PLCE1: variants seen among roughly 807,000 people sequenced by gnomAD.
PLCE1 encodes the protein 1-phosphatidylinositol 4,5-bisphosphate phosphodiesterase epsilon-1.
PLCE1 carries 119 observed loss-of-function variants against 242.8 expected under a neutral mutation model. The ratio of observed to expected loss-of-function variants is 0.49; its 90% CI spans 0.42 to 0.57. The LOEUF (loss-of-function observed/expected upper bound fraction) is 0.57. PLCE1 is among the 20% of genes least tolerant of loss of function. The probability of loss-of-function intolerance (pLI) is 0.00; values close to 1 mark genes in which losing one functional copy is unlikely to be tolerated. For synonymous variants in PLCE1, 945 were observed against 1,017.4 expected, an observed-to-expected ratio of 0.93 and a Z score of 1.35; for missense variants, 2,441 against 2,788.8, an observed-to-expected ratio of 0.88 and a Z score of 2.81.
At chr10:94,288,013 A>C (rs1191879245) in intron 22 of PLCE1, among the ~76,000 whole-genome samples, 1 of 152,058 alleles carries the variant, frequency 6.6e-6, no homozygotes, top group Non-Finnish European at 1.5e-5. Flanking sequence ...TTATAGGCAT[A>C]TGTTTGGGTA....
At chr10:94,072,425 C>T (rs751200405) in intron 2 of PLCE1, among the ~76,000 whole-genome samples, 4 of 152,006 alleles carry the variant, frequency 2.6e-5, no homozygotes, top group Non-Finnish European at 5.9e-5. Context: ...TACAGGCACC[C>T]GCCACCATGC....
Position 94,227,488 on chromosome 10 carries a change from T to C in PLCE1, c.1955+37T>C, listed in dbSNP as rs930962953. ...GGGGAATATGGTTATCTTGGCACAATCGCTTCTCATCACCTGAATGGCACT... is the reference window on the plus strand; with the variant it reads ...GGGGAATATGGTTATCTTGGCACAACCGCTTCTCATCACCTGAATGGCACT... On this transcript the variant is annotated intron_variant, in intron 5 of 32. Transcript: ENST00000371380. The C allele has an allele frequency of 3.8e-6, 6 of 1,584,866 alleles. No homozygotes were observed. In the Admixed American group the frequency reaches 1.0e-4, roughly 26 times the overall value.
intron 2 of PLCE1, among the ~76,000 whole-genome samples, chr10:94,097,697 G>C (rs2045365447): frequency 6.6e-6 from 1 of 152,224 alleles, no homozygotes; most frequent in Non-Finnish European, 1.5e-5. Flanking sequence ...ATTAAGCTTG[G>C]TGGTCTAGTA....
At chr10:93,997,049 A>G (rs2060837923) in intron 1 of PLCE1, among the ~76,000 whole-genome samples, 1 of 152,222 alleles carries the variant, frequency 6.6e-6, no homozygotes, top group African/African-American at 2.4e-5. Flanking sequence ...TGGTAACACT[A>G]TGGTGCTTAC....
chr10:94,092,110 C>A (rs137994844), intron 2 of PLCE1, among the ~76,000 whole-genome samples: 2 of 152,124 alleles, frequency 1.3e-5, no homozygotes, highest in South Asian at 2.1e-4. Flanking sequence ...GTATACCTGA[C>A]GAGAATTTTA....
chr10:94,189,778 A>G (rs2048601843), intron 4 of PLCE1, among the ~76,000 whole-genome samples: 1 of 152,200 alleles, frequency 6.6e-6, no homozygotes, highest in African/African-American at 2.4e-5. Flanking sequence ...CAGGCTTTCC[A>G]AGCGTGGCTT....
rs550144229 is a variant in PLCE1, at chr10:94,027,786, A to C, written c.-364-2897A>C. 3.9e-5 allele frequency among the ~76,000 whole-genome samples: 6 copies of C among 152,184 alleles called. No homozygotes were observed. In the South Asian group the frequency reaches 1.2e-3, roughly 32 times the overall value. On this transcript the variant is annotated intron_variant, in intron 1 of 32. Coordinates refer to ENST00000371380, the MANE Select transcript of PLCE1 (RefSeq NM_016341.4). ...TAGTGAGCCAAGATCATGCCACTGC[A>C]CTCCAGCCTGGCGACAGAGTGAGAC...
chr10:94,007,573 CTCTT>C (rs1196924862), intron 1 of PLCE1, among the ~76,000 whole-genome samples: 2 of 124,400 alleles, frequency 1.6e-5, no homozygotes, highest in African/African-American at 6.8e-5. Flanking sequence ...CATTCTCTCT[CTCTT>C]TTTTTTTTTT....
At chr10:94,043,046 C>T (rs1287477291) in intron 2 of PLCE1, among the ~76,000 whole-genome samples, 4 of 152,178 alleles carry the variant, frequency 2.6e-5, no homozygotes, top group Non-Finnish European at 5.9e-5. Flanking sequence ...ATGAAGTTTT[C>T]ACCTACTTCA....
At chr10:94,061,839 A>G (rs1057054491) in intron 2 of PLCE1, among the ~76,000 whole-genome samples, 3 of 152,242 alleles carry the variant, frequency 2.0e-5, no homozygotes, top group African/African-American at 4.8e-5. Flanking sequence ...TTGCTGTTAC[A>G]TGCCTCTTAT....
intron 2 of PLCE1, chr10:94,107,722 G>A (rs533525327): frequency 1.3e-5 from 2 of 152,198 alleles, no homozygotes; most frequent in African/African-American, 4.8e-5. Context: ...TTGAGGTCAA[G>A]GAGTCTAACC....
chr10:94,135,264 A>T (rs2046733652), intron 3 of PLCE1, among the ~76,000 whole-genome samples: 1 of 152,286 alleles, frequency 6.6e-6, no homozygotes, highest in South Asian at 2.1e-4. Context: ...TTGTCAACTT[A>T]AAAAAATTAA....
intron 19 of PLCE1, among the ~76,000 whole-genome samples, chr10:94,275,205 G>A (rs993543999): frequency 2.6e-5 from 4 of 151,926 alleles, no homozygotes; most frequent in South Asian, 4.2e-4. Context: ...CCTTCTCATT[G>A]GCCCTCCCTC....
intron 2 of PLCE1, among the ~76,000 whole-genome samples, chr10:94,067,008 T>C (rs977944440): frequency 3.3e-5 from 5 of 152,196 alleles, no homozygotes; most frequent in Non-Finnish European, 7.3e-5. Context: ...TCCTTCAACT[T>C]CCTTTTTACA....
rs71031568 is a variant in PLCE1, at chr10:94,297,590, T to TAAAAAAAAAAA, written c.5168-762_5168-752dup. ...AGGCCTGCCCCAAACTTTAAATTTG[T>TAAAAAAAAAAA]AAAAAAAAAAAAAAAAAAAAAAAAA... is the stretch of plus-strand genomic sequence containing the variant. On this transcript the variant is annotated intron_variant, in intron 23 of 32. Transcript: ENST00000371380. Among the ~76,000 whole-genome samples, 27 of 56,580 alleles carry TAAAAAAAAAAA rather than the reference T, an allele frequency of 4.8e-4. 1 individual carries two copies. The highest frequency in any genetic ancestry group is 2.8e-3 in the East Asian group (5 of 1,794). 37.1% of individuals were successfully genotyped at this position (56,580 alleles called of 152,430 possible).
chr10:94,308,696 T>G lies in PLCE1; in HGVS notation c.6000T>G (p.Ser2000=). The G allele has an allele frequency of 2.5e-6, 4 of 1,575,742 alleles. No homozygotes were observed. The highest frequency in any genetic ancestry group is 1.1e-5 in the South Asian group (1 of 90,242). The change falls in exon 27 of 33, where the codon TCT becomes TCG. Residue 2000 remains serine (S), a synonymous_variant. Transcript: ENST00000371380. ...ENSSGNTMSA[S]SMFNTEERKC... is the part of the protein sequence containing the mutation. ...CCTCTGGCAATACCATGTCAGCCTC[T>G]TCGGTAATGAAGTTCTGTTTCACTC...
chr10:94,080,720 A>C (rs2044631516), intron 2 of PLCE1, among the ~76,000 whole-genome samples: 1 of 152,170 alleles, frequency 6.6e-6, no homozygotes, highest in Non-Finnish European at 1.5e-5. Flanking sequence ...AGAGTTATCC[A>C]GGCACTTCTG....
chr10:94,326,340 G>T (rs1248307319), intron 32 of PLCE1, among the ~76,000 whole-genome samples: 1 of 152,166 alleles, frequency 6.6e-6, no homozygotes, highest in Non-Finnish European at 1.5e-5. Flanking sequence ...CAGCCCAAAA[G>T]AAGGCCCAAT....
chr10:94,189,338 T>C (rs1286871112), intron 4 of PLCE1, among the ~76,000 whole-genome samples: 6 of 149,506 alleles, frequency 4.0e-5, no homozygotes, highest in Non-Finnish European at 5.9e-5. Flanking sequence ...ATTAAATATA[T>C]ATAAAGGAAA....
Sources: allele counts gnomAD v4.1 joint callset (sites outside exome capture counted in the v4.1 genomes callset), GRCh38; gene constraint gnomAD v4.1.1; transcripts MANE v1.5; gene names NCBI Gene and HGNC (gene_info 2026-07-23, HGNC 2026-07-21).